CSMD2: variants seen among roughly 807,000 people sequenced by gnomAD.
The protein encoded by CSMD2 is CUB and Sushi multiple domains 2.
In CSMD2, 130 loss-of-function variants were observed where a neutral mutation model predicts 398.5. The observed-to-expected ratio is 0.33, with a 90% CI of 0.28 to 0.38. The LOEUF is 0.38. CSMD2 is among the 10% of genes least tolerant of loss of function. CSMD2 has a pLI of 1.00. For missense variants in CSMD2, 3,829 were observed against 4,764.9 expected (o/e 0.80, Z 5.78); for synonymous variants, 1,828 against 1,908.5 (o/e 0.96, Z 1.10).
rs373049970 is a variant in CSMD2, at chr1:34,110,745, G to A, written c.188-21552C>T. On this transcript the variant is annotated intron_variant, in intron 1 of 70. Transcript: ENST00000373381. ...GCAACATACACGAGGGACTACCTGA[G>A]GGTGGAGAACGGGAGGAGGGAGAGG... Among the ~76,000 whole-genome samples, 5 of 152,178 alleles carry A rather than the reference G, an allele frequency of 3.3e-5. No homozygotes were observed. In the East Asian group the frequency reaches 7.7e-4, roughly 23 times the overall value.
intron 1 of CSMD2, among the ~76,000 whole-genome samples, chr1:34,157,263 C>A (rs577946245): frequency 1.3e-5 from 2 of 152,164 alleles, no homozygotes; most frequent in African/African-American, 4.8e-5. Flanking sequence ...AACTGACCAA[C>A]GTTCACAAAG....
In CSMD2 at chr1:33,617,566, T is replaced by A; in HGVS notation, c.5879A>T (p.Lys1960Met). Residue 1960 changes from lysine to methionine, a missense_variant, in exon 38 of 71, where the codon AAG (lysine) becomes ATG (methionine). Physicochemically the swap from Lys to Met is moderately conservative, Grantham distance 95. Coordinates refer to ENST00000373381, the MANE Select transcript of CSMD2 (RefSeq NM_001281956.2). ...ATTCACCAAGTAGCGCTCGCCAGTC[T>A]TCACCCCGTTACTGGGCACAGCAGG... The part of the protein sequence containing the change: ...PEPAVPSNGV[K>M]TGERYLVNDV... The A allele has an allele frequency of 6.2e-7, 1 of 1,614,060 alleles. No homozygotes were observed. Among genetic ancestry groups the A allele is most frequent in the Non-Finnish European group, 8.5e-7 (1 of 1,180,006 alleles).
chr1:33,663,094 T>C lies in CSMD2; in HGVS notation c.4053-2A>G, dbSNP rs1433816613. The C allele has an allele frequency of 6.2e-7, 1 of 1,613,546 alleles. No homozygotes were observed. Among genetic ancestry groups the C allele is most frequent in the Non-Finnish European group, 8.5e-7 (1 of 1,179,544 alleles). On this transcript the variant is annotated splice_acceptor_variant, in intron 25 of 70. Transcript: ENST00000373381. LOFTEE classifies it high-confidence loss of function. ...GTGTCAAACACCAGGAAGTGTAGCC[T>C]GCACGGAGAGAAGAGGCAGTGGTCA...
At chr1:33,536,813 G>A (rs1655837517) in intron 62 of CSMD2, among the ~76,000 whole-genome samples, 2 of 152,222 alleles carry the variant, frequency 1.3e-5, no homozygotes, top group South Asian at 2.1e-4. Context: ...TTCCTCATCA[G>A]TTTCTCTGAC....
chr1:33,682,255 G>A (rs1352652392), intron 25 of CSMD2, among the ~76,000 whole-genome samples: 1 of 152,106 alleles, frequency 6.6e-6, no homozygotes, highest in Non-Finnish European at 1.5e-5. Flanking sequence ...TGCATGTGGT[G>A]GCATCTAGGG....
intron 3 of CSMD2, among the ~76,000 whole-genome samples, chr1:33,972,658 A>G (rs1456789404): frequency 2.0e-5 from 3 of 152,184 alleles, no homozygotes; most frequent in African/African-American, 7.2e-5. Flanking sequence ...GGGAAAAGGA[A>G]GGAAACATAT....
intron 25 of CSMD2, among the ~76,000 whole-genome samples, chr1:33,685,844 G>C (rs1050003890): frequency 1.3e-5 from 2 of 152,170 alleles, no homozygotes; most frequent in Non-Finnish European, 1.5e-5. Context: ...ACTAGAATGT[G>C]AACTCTTGGC....
At chr1:34,020,959 A>C (rs940779945) in intron 3 of CSMD2, among the ~76,000 whole-genome samples, 7 of 152,158 alleles carry the variant, frequency 4.6e-5, no homozygotes, top group African/African-American at 7.2e-5. Context: ...TCCACAGGGG[A>C]AGGACAGGGA....
intron 2 of CSMD2, among the ~76,000 whole-genome samples, chr1:34,049,046 G>C: frequency 6.6e-6 from 1 of 152,148 alleles, no homozygotes; most frequent in East Asian, 1.9e-4. Flanking sequence ...AGTAAGAGGG[G>C]CTCCAGGGTT....
intron 26 of CSMD2, among the ~76,000 whole-genome samples, chr1:33,658,808 G>A (rs1206285800): frequency 6.6e-5 from 10 of 152,232 alleles, no homozygotes; most frequent in African/African-American, 2.4e-4. Context: ...AGGCTGCAGT[G>A]AGCCATGATC....
intron 3 of CSMD2, among the ~76,000 whole-genome samples, chr1:34,022,346 G>C (rs988168779): frequency 2.0e-5 from 3 of 152,212 alleles, no homozygotes; most frequent in Non-Finnish European, 4.4e-5. Flanking sequence ...TAAGGGGTCA[G>C]AGGAGGTTAA....
At chr1:33,667,567 G>A (rs1266643820) in intron 25 of CSMD2, among the ~76,000 whole-genome samples, 1 of 152,184 alleles carries the variant, frequency 6.6e-6, no homozygotes, top group Admixed American at 6.5e-5. Context: ...GGAGGAAGAG[G>A]CTGTGGTTGA....
At chr1:34,149,279 G>A (rs1002402020) in intron 1 of CSMD2, among the ~76,000 whole-genome samples, 3 of 152,010 alleles carry the variant, frequency 2.0e-5, no homozygotes, top group Admixed American at 1.3e-4. Flanking sequence ...CCCTGGGTCC[G>A]AGGTCCTGTT....
At chr1:34,132,897 A>C (rs1296592436) in intron 1 of CSMD2, among the ~76,000 whole-genome samples, 2 of 151,660 alleles carry the variant, frequency 1.3e-5, no homozygotes, top group Non-Finnish European at 2.9e-5. Context: ...GGGGCTTTTC[A>C]GCCTTCATAA....
intron 28 of CSMD2, among the ~76,000 whole-genome samples, chr1:33,648,565 G>GT (rs1643587176): frequency 6.6e-6 from 1 of 152,118 alleles, no homozygotes; most frequent in Non-Finnish European, 1.5e-5. Context: ...AAGGTAATGG[G>GT]TTTTTTTCTT....
Position 33,966,999 on chromosome 1 carries a change from C to T in CSMD2, c.518-31045G>A, listed in dbSNP as rs554975523. ...AGAAAAGGTTTAAACATTTCGCAAA[C>T]GTTTTCCCTTGCCACAGGAGAAGTT... On this transcript the variant is annotated intron_variant, in intron 3 of 70. Coordinates refer to ENST00000373381, the MANE Select transcript of CSMD2 (RefSeq NM_001281956.2). Among the ~76,000 whole-genome samples the T allele has an allele frequency of 2.4e-4, 37 of 152,288 alleles. No homozygotes were observed. The East Asian group carries it at 3.1e-3, about 13-fold the overall frequency.
At chr1:33,605,615 A>G in intron 41 of CSMD2, 145 bp from the exon 42 acceptor site, 1 of 858,612 alleles carries the variant, frequency 1.2e-6, no homozygotes, top group Non-Finnish European at 1.8e-6. Flanking sequence ...AAGTAATTTA[A>G]CTTGTGTACG....
chr1:33,698,609 C>CATG, intron 24 of CSMD2, 144 bp downstream of exon 24: 2 of 664,298 alleles, frequency 3.0e-6, no homozygotes, highest in Non-Finnish European at 4.9e-6. Flanking sequence ...GCAGGTGAAC[C>CATG]ATGATGCCTG....
chr1:33,835,668 TAAAAC>T (rs202148694), intron 6 of CSMD2, among the ~76,000 whole-genome samples: 1 of 73,474 alleles, frequency 1.4e-5, no homozygotes, highest in Non-Finnish European at 2.5e-5. Flanking sequence ...TAAAATAAAT[TAAAAC>T]AAAACAAAAC....
Sources: gnomAD v4.1 joint callset for allele counts (sites outside exome capture counted in the v4.1 genomes callset) on GRCh38, gnomAD v4.1.1 for gene constraint, MANE v1.5 for transcripts, NCBI Gene and HGNC (gene_info 2026-07-23, HGNC 2026-07-21) for gene names.